UVRAG: variants seen among roughly 807,000 people sequenced by gnomAD.
UVRAG encodes the protein UV radiation resistance-associated gene protein.
A neutral mutation model predicts 78.0 loss-of-function variants in UVRAG; 19 were observed. That is an observed-to-expected ratio of 0.24 (90% CI 0.17 to 0.36). UVRAG has a LOEUF of 0.36. UVRAG is among the 10% of genes least tolerant of loss of function. The pLI is 1.00. For synonymous variants in UVRAG, 323 were observed against 324.6 expected (o/e 1.00, Z 0.05); for missense variants, 740 against 853.8 (o/e 0.87, Z 1.66).
intron 4 of UVRAG, among the ~76,000 whole-genome samples, chr11:75,884,035 C>T (rs993966459): frequency 6.6e-6 from 1 of 152,124 alleles, no homozygotes; most frequent in Non-Finnish European, 1.5e-5. Flanking sequence ...GTGACTATAA[C>T]ATCCTGCATT....
chr11:76,092,396 C>T (rs1951715798), intron 13 of UVRAG, among the ~76,000 whole-genome samples: 1 of 152,150 alleles, frequency 6.6e-6, no homozygotes, highest in African/African-American at 2.4e-5. Flanking sequence ...AGTTCTAGAT[C>T]CTTGAGGAAT....
chr11:75,909,744 C>T (rs1323929045), intron 5 of UVRAG, among the ~76,000 whole-genome samples: 1 of 152,110 alleles, frequency 6.6e-6, no homozygotes, highest in Non-Finnish European at 1.5e-5. Context: ...AGGCTACATC[C>T]AGTTAATAAT....
intron 14 of UVRAG, among the ~76,000 whole-genome samples, chr11:76,116,756 G>C (rs1043168644): frequency 6.6e-6 from 1 of 152,174 alleles, no homozygotes; most frequent in Non-Finnish European, 1.5e-5. Flanking sequence ...GACAGCTGGG[G>C]GCAGCACTGG....
chr11:76,125,734 TAA>T (rs1195630749), intron 14 of UVRAG, among the ~76,000 whole-genome samples: 4 of 152,258 alleles, frequency 2.6e-5, no homozygotes, highest in South Asian at 4.1e-4. Flanking sequence ...CTTTTGATTA[TAA>T]AATAGTATGG....
At chr11:75,848,583 A>T (rs760282654) in intron 1 of UVRAG, among the ~76,000 whole-genome samples, 3 of 152,222 alleles carry the variant, frequency 2.0e-5, no homozygotes, top group Non-Finnish European at 4.4e-5. Context: ...CCATGCATCT[A>T]TTATAGATTC....
chr11:76,012,799 G>T (rs1258588608), intron 11 of UVRAG: 6 of 14,532 alleles, frequency 4.1e-4, no homozygotes, highest in Admixed American at 2.0e-3. Context: ...AAAAATGTTT[G>T]TGTGTGTGTG....
Position 75,842,291 on chromosome 11 carries a change from G to A in UVRAG, c.118-9592G>A, listed in dbSNP as rs138075223. ...AGCATGTCAGATGGGATGTATTGGG[G>A]CAACCAAGTTTGGAAACTGCAGTCG... On this transcript the variant is annotated intron_variant, in intron 1 of 14. Transcript: ENST00000356136. 2.0e-3 allele frequency among the ~76,000 whole-genome samples: 305 copies of A among 152,240 alleles called. 2 individuals are homozygous for A. Among genetic ancestry groups the A allele is most frequent in the African/African-American group, 7.2e-3 (297 of 41,538 alleles).
At chr11:75,900,190 CAG>C (rs1247206856) in intron 5 of UVRAG, among the ~76,000 whole-genome samples, 1 of 152,164 alleles carries the variant, frequency 6.6e-6, no homozygotes, top group Non-Finnish European at 1.5e-5. Flanking sequence ...TAAACAGAAA[CAG>C]AGTTCGACTT....
At chr11:76,134,416 A>T (rs551344175) in intron 14 of UVRAG, among the ~76,000 whole-genome samples, 3 of 152,184 alleles carry the variant, frequency 2.0e-5, no homozygotes, top group South Asian at 4.2e-4. Flanking sequence ...GACATAAGCC[A>T]CCACGCCTGG....
intron 11 of UVRAG, among the ~76,000 whole-genome samples, chr11:76,010,453 T>C (rs949082149): frequency 2.6e-5 from 4 of 151,902 alleles, no homozygotes; most frequent in Admixed American, 6.6e-5. Flanking sequence ...TAAGGAGAAA[T>C]ATAAAATTGA....
chr11:75,978,689 T>C (rs946875357), intron 7 of UVRAG, among the ~76,000 whole-genome samples: 1 of 152,214 alleles, frequency 6.6e-6, no homozygotes, highest in African/African-American at 2.4e-5. Context: ...ATGCATCACA[T>C]AGTTCTTATG....
At chr11:75,957,708 A>T (rs1431359715) in intron 6 of UVRAG, among the ~76,000 whole-genome samples, 1 of 152,108 alleles carries the variant, frequency 6.6e-6, no homozygotes, top group Admixed American at 6.6e-5. Context: ...TTATTGTAGC[A>T]GTGTTTTGTG....
intron 14 of UVRAG, among the ~76,000 whole-genome samples, chr11:76,135,600 G>T (rs1440416231): frequency 1.3e-5 from 2 of 152,212 alleles, no homozygotes; most frequent in Non-Finnish European, 2.9e-5. Context: ...TTGCAATTAT[G>T]ATATCTTTGG....
chr11:76,084,336 A>G (rs1951547517), intron 13 of UVRAG, among the ~76,000 whole-genome samples: 1 of 152,196 alleles, frequency 6.6e-6, no homozygotes, highest in South Asian at 2.1e-4. Flanking sequence ...GGCGGTATTA[A>G]TATCTGAATT....
chr11:75,842,891 G>T (rs1422741531), intron 1 of UVRAG, among the ~76,000 whole-genome samples: 1 of 152,224 alleles, frequency 6.6e-6, no homozygotes, highest in Non-Finnish European at 1.5e-5. Flanking sequence ...CCTGGGAGTT[G>T]TGAAAGTTGT....
At chr11:76,053,772 C>T (rs1176797109) in intron 12 of UVRAG, among the ~76,000 whole-genome samples, 1 of 152,098 alleles carries the variant, frequency 6.6e-6, no homozygotes, top group East Asian at 1.9e-4. Context: ...GAGATCGAGA[C>T]CAGCCTGGCC....
At chr11:75,964,725 A>G (rs1200021327) in intron 7 of UVRAG, among the ~76,000 whole-genome samples, 2 of 151,980 alleles carry the variant, frequency 1.3e-5, no homozygotes, top group Non-Finnish European at 2.9e-5. Flanking sequence ...GTATGGTGAA[A>G]CCCCGTTTCT....
In UVRAG at chr11:75,854,609, G is replaced by GT. The variant is rs567409204; in HGVS notation, c.235+2612dup. ...TTTTTGTATTTTTTGTAGAGATGGG[G>GT]TTTCACCATGTTGGCCAGGCTGGTC... On this transcript the variant is annotated intron_variant, in intron 2 of 14. Coordinates refer to ENST00000356136, the MANE Select transcript of UVRAG (RefSeq NM_003369.4). 4.1e-4 allele frequency among the ~76,000 whole-genome samples: 63 copies of GT among 152,070 alleles called. 1 individual carries two copies. Among genetic ancestry groups the GT allele is most frequent in the African/African-American group, 1.4e-3 (59 of 41,472 alleles).
At chr11:75,885,598 T>C (rs538357906) in intron 4 of UVRAG, among the ~76,000 whole-genome samples, 1 of 152,276 alleles carries the variant, frequency 6.6e-6, no homozygotes, top group East Asian at 1.9e-4. Context: ...TTAAAAAGTA[T>C]GCTGTTTTTC....
Sources: gnomAD v4.1 joint callset for allele counts (sites outside exome capture counted in the v4.1 genomes callset) on GRCh38, gnomAD v4.1.1 for gene constraint, MANE v1.5 for transcripts, NCBI Gene and HGNC (gene_info 2026-07-23, HGNC 2026-07-21) for gene names.